Variants in INVS observed in about 807,000 individuals in gnomAD.
INVS encodes the protein inversin, also known as inversion of embryo turning homolog.
In INVS, 86 loss-of-function variants were observed where a neutral mutation model predicts 108.8. That is an observed-to-expected ratio of 0.79 (90% CI 0.66 to 0.95). The LOEUF (loss-of-function observed/expected upper bound fraction) is 0.95, where lower values mean the gene tolerates loss of function less well. Among genes scored for constraint, INVS ranks in the 40% least tolerant of loss-of-function variants. The pLI, the probability that INVS is intolerant of heterozygous loss-of-function variation, is 0.00. For synonymous variants in INVS, 455 were observed against 473.5 expected (o/e 0.96, Z 0.51); for missense variants, 1,169 against 1,297.4 (o/e 0.90, Z 1.52).
intron 3 of INVS, among the ~76,000 whole-genome samples, chr9:100,126,900 G>T (rs1827902892): frequency 6.6e-6 from 1 of 152,074 alleles, no homozygotes; most frequent in Non-Finnish European, 1.5e-5. Context: ...ATAGTGGTTG[G>T]GTTTAAATTT....
chr9:100,180,831 G>A (rs964128402), intron 3 of INVS, among the ~76,000 whole-genome samples: 10 of 152,020 alleles, frequency 6.6e-5, no homozygotes, highest in Non-Finnish European at 1.3e-4. Flanking sequence ...AACAAAAAAA[G>A]AAAATTTCAG....
At chr9:100,197,202 C>G (rs554667734) in intron 3 of INVS, among the ~76,000 whole-genome samples, 1 of 152,242 alleles carries the variant, frequency 6.6e-6, no homozygotes, top group South Asian at 2.1e-4. Flanking sequence ...GCTAGAGTGG[C>G]TCACATAACT....
chr9:100,156,668 G>A (rs1828995202), intron 3 of INVS, among the ~76,000 whole-genome samples: 2 of 151,994 alleles, frequency 1.3e-5, no homozygotes, highest in African/African-American at 4.8e-5. Context: ...TCCATGTCCT[G>A]TCTGTCTCAT....
intron 3 of INVS, chr9:100,175,838 C>T: frequency 1.5e-6 from 1 of 665,338 alleles, no homozygotes; most frequent in Non-Finnish European, 2.7e-6. Context: ...CTGGAACAAT[C>T]AGGCCTGGAA....
At chr9:100,131,707 G>T (rs748143967) in intron 3 of INVS, among the ~76,000 whole-genome samples, 11 of 152,126 alleles carry the variant, frequency 7.2e-5, no homozygotes, top group African/African-American at 1.2e-4. Flanking sequence ...CTTCCAGGAG[G>T]TTATTTATTT....
At chr9:100,136,910 C>T (rs1828243581) in intron 3 of INVS, among the ~76,000 whole-genome samples, 1 of 152,096 alleles carries the variant, frequency 6.6e-6, no homozygotes, top group Non-Finnish European at 1.5e-5. Context: ...TGTAGTGACA[C>T]ACGCCTGTAA....
chr9:100,284,335 AAAC>A lies in INVS; in HGVS notation c.1803_1805del (p.Asn601del). 3.7e-6 allele frequency: 6 copies of A among 1,613,346 alleles called. No individual in the cohort carries two copies. Among genetic ancestry groups the A allele is most frequent in the Non-Finnish European group, 4.2e-6 (5 of 1,180,048 alleles). Reference sequence around the variant, plus strand: ...TTGCTTCCAGAAAGCGAGAGGAAGAAAACAAACGAAAAGAGGCAGAACAGCAAA... The same window carrying A: ...TTGCTTCCAGAAAGCGAGAGGAAGAAAAACGAAAAGAGGCAGAACAGCAAA... On this transcript the variant is annotated inframe_deletion, in exon 13 of 17. Coordinates refer to ENST00000262457, the MANE Select transcript of INVS (RefSeq NM_014425.5).
At chr9:100,260,335 A>G (rs970331318) in intron 10 of INVS, among the ~76,000 whole-genome samples, 5 of 150,458 alleles carry the variant, frequency 3.3e-5, no homozygotes, top group African/African-American at 7.3e-5. Flanking sequence ...GATTACAGGC[A>G]TGCACCACCA....
chr9:100,149,603 T>A (rs974548271), intron 3 of INVS, among the ~76,000 whole-genome samples: 8 of 152,204 alleles, frequency 5.3e-5, no homozygotes, highest in Non-Finnish European at 1.0e-4. Context: ...TTTAGGATCT[T>A]ATTAGTTACT....
At chr9:100,143,167 A>G (rs1828487626) in intron 3 of INVS, among the ~76,000 whole-genome samples, 1 of 152,114 alleles carries the variant, frequency 6.6e-6, no homozygotes, top group Admixed American at 6.6e-5. Context: ...AATAGCAAAC[A>G]AAGCATGTTT....
At chr9:100,109,639 C>G (rs1827280399) in intron 2 of INVS, among the ~76,000 whole-genome samples, 2 of 152,162 alleles carry the variant, frequency 1.3e-5, no homozygotes, top group Admixed American at 1.3e-4. Context: ...AGCATAATCT[C>G]TCTAAATCAT....
In INVS at chr9:100,109,856, G is replaced by A. The variant is rs573411456; in HGVS notation, c.106+5229G>A. Among the ~76,000 whole-genome samples the A allele has an allele frequency of 5.3e-5, 8 of 152,234 alleles. No individual in the cohort carries two copies. In the East Asian group the frequency reaches 1.5e-3, roughly 29 times the overall value. The stretch of plus-strand genomic sequence containing the variant: ...AATTTGTTGTATTTTTAGTAGAGAC[G>A]GGGTTTCTCCATGTTGGTCAGGCTG... On this transcript the variant is annotated intron_variant, in intron 2 of 16. Transcript: ENST00000262457.
At chr9:100,293,945 T>G (rs1833706841) in intron 14 of INVS, among the ~76,000 whole-genome samples, 1 of 152,126 alleles carries the variant, frequency 6.6e-6, no homozygotes, top group East Asian at 1.9e-4. Context: ...GGAGGATCAC[T>G]TGAACCCAGG....
intron 3 of INVS, among the ~76,000 whole-genome samples, chr9:100,225,085 T>G (rs1274759506): frequency 6.8e-6 from 1 of 147,606 alleles, no homozygotes; most frequent in Non-Finnish European, 1.5e-5. Flanking sequence ...TGAGACGGAG[T>G]CTCACTCTGT....
intron 4 of INVS, among the ~76,000 whole-genome samples, chr9:100,229,402 G>A (rs73655139): frequency 0.014 from 2,060 of 152,142 alleles, 34 homozygotes; most frequent in African/African-American, 0.048. Context: ...GGTAGGATGG[G>A]GTGGGATGAA....
chr9:100,238,490 C>T (rs1223410129), intron 5 of INVS, among the ~76,000 whole-genome samples: 3 of 152,178 alleles, frequency 2.0e-5, no homozygotes, highest in African/African-American at 7.2e-5. Flanking sequence ...CATCTCAGTT[C>T]TGCCAAACAT....
intron 16 of INVS, among the ~76,000 whole-genome samples, chr9:100,299,605 C>A (rs1405950298): frequency 3.0e-5 from 4 of 131,470 alleles, no homozygotes; most frequent in African/African-American, 9.0e-5. Flanking sequence ...TGCAAACCAC[C>A]CACCAAGAAT....
chr9:100,168,715 A>G (rs1391176033), intron 3 of INVS, among the ~76,000 whole-genome samples: 1 of 152,328 alleles, frequency 6.6e-6, no homozygotes, highest in African/African-American at 2.4e-5. Flanking sequence ...AACTGAGGAG[A>G]AAGGCATGTG....
intron 3 of INVS, chr9:100,131,809 C>T: frequency 1.1e-5 from 6 of 559,354 alleles, no homozygotes; most frequent in Non-Finnish European, 1.4e-5. Context: ...CTGCATTGTC[C>T]TTTTTTTAAA....
Sources: gnomAD v4.1 joint callset for allele counts (sites outside exome capture counted in the v4.1 genomes callset) on GRCh38, gnomAD v4.1.1 for gene constraint, MANE v1.5 for transcripts, NCBI Gene and HGNC (gene_info 2026-07-23, HGNC 2026-07-21) for gene names.